The following SLC22A3 variants were observed in gnomAD, a reference collection of about 807,000 sequenced individuals.
The protein encoded by SLC22A3 is solute carrier family 22 member 3.
In SLC22A3, 51 loss-of-function variants were observed where a neutral mutation model predicts 59.1. The observed-to-expected ratio is 0.86, with a 90% CI of 0.69 to 1.09. The LOEUF (loss-of-function observed/expected upper bound fraction) is 1.09. SLC22A3 is among the 50% of genes least tolerant of loss of function. The probability of loss-of-function intolerance (pLI) is 0.00; values close to 1 mark genes in which losing one functional copy is unlikely to be tolerated. For synonymous variants in SLC22A3, 325 were observed against 292.0 expected, an observed-to-expected ratio of 1.11 and a Z score of -1.15; for missense variants, 711 against 726.3, an observed-to-expected ratio of 0.98 and a Z score of 0.24.
intron 5 of SLC22A3, among the ~76,000 whole-genome samples, chr6:160,432,961 T>C (rs1788207702): frequency 6.6e-6 from 1 of 152,196 alleles, no homozygotes; most frequent in Admixed American, 6.5e-5. Flanking sequence ...TCTGTACAAG[T>C]TTCTCCAGCA....
chr6:160,376,786 A>G (rs373664042), intron 1 of SLC22A3, among the ~76,000 whole-genome samples: 27 of 152,200 alleles, frequency 1.8e-4, no homozygotes, highest in African/African-American at 4.3e-4. Flanking sequence ...CTGTATATAT[A>G]TTTTTTGTTT....
intron 2 of SLC22A3, among the ~76,000 whole-genome samples, chr6:160,403,724 T>C (rs1227341701): frequency 6.6e-6 from 1 of 151,850 alleles, no homozygotes; most frequent in Non-Finnish European, 1.5e-5. Context: ...ACCAAGTGCG[T>C]AGTATCCCAA....
chr6:160,395,232 T>C (rs1258139073), intron 1 of SLC22A3, among the ~76,000 whole-genome samples: 1 of 152,246 alleles, frequency 6.6e-6, no homozygotes, highest in Admixed American at 6.5e-5. Context: ...ATCAGTATTA[T>C]ATTAAAGAAT....
At chr6:160,450,630 A>G (rs1788917917) in intron 10 of SLC22A3, among the ~76,000 whole-genome samples, 1 of 152,182 alleles carries the variant, frequency 6.6e-6, no homozygotes, top group South Asian at 2.1e-4. Context: ...ATAAATGTCC[A>G]TATTAAAATG....
At chr6:160,444,286 A>G (rs776795884) in intron 9 of SLC22A3, among the ~76,000 whole-genome samples, 33 of 152,234 alleles carry the variant, frequency 2.2e-4, no homozygotes, top group Middle Eastern at 3.4e-3. Context: ...CAGGAGGATC[A>G]AGGCTGCAGT....
At position 160,425,281 on chromosome 6, in the gene SLC22A3, T is replaced by C. The variant is rs572944439; in HGVS notation, c.976-11499T>C. ...ATCACCACATGTTTAGAAAAACTATTTTAATGTCACTGACATGAAGTTGTC... is the reference window on the plus strand; with the variant it reads ...ATCACCACATGTTTAGAAAAACTATCTTAATGTCACTGACATGAAGTTGTC... On this transcript the variant is annotated intron_variant, in intron 5 of 10. Transcript: ENST00000275300. 3.3e-5 allele frequency among the ~76,000 whole-genome samples: 5 copies of C among 152,348 alleles called. No homozygotes were observed. The South Asian group carries it at 1.0e-3, about 32-fold the overall frequency.
chr6:160,409,955 T>C (rs1787178895), intron 4 of SLC22A3, among the ~76,000 whole-genome samples: 1 of 152,214 alleles, frequency 6.6e-6, no homozygotes, highest in East Asian at 1.9e-4. Context: ...CTCTGAGGAA[T>C]AAGGAAATGT....
chr6:160,348,530 C>T lies in SLC22A3; in HGVS notation c.111C>T (p.Val37=). Residue 37 remains valine, a synonymous_variant, in exon 1 of 11, where the codon GTC becomes GTT. Transcript: ENST00000275300. ...GCGTCACCTTCGCCTTCCTCTTCGT[C>T]GGCGTGGTCTTCCTGGGCACGCAGC... ...LTGVTFAFLF[V]GVVFLGTQPD... 2 of 1,564,252 alleles carry T rather than the reference C, an allele frequency of 1.3e-6. No individual in the cohort carries two copies. Among genetic ancestry groups the T allele is most frequent in the South Asian group, 1.2e-5 (1 of 86,880 alleles).
At chr6:160,380,461 G>T (rs1206458434) in intron 1 of SLC22A3, among the ~76,000 whole-genome samples, 1 of 152,034 alleles carries the variant, frequency 6.6e-6, no homozygotes, top group Non-Finnish European at 1.5e-5. Flanking sequence ...AACCTTTTAT[G>T]ATGATGATAT....
chr6:160,392,198 C>T (rs1270581372), intron 1 of SLC22A3, among the ~76,000 whole-genome samples: 1 of 152,092 alleles, frequency 6.6e-6, no homozygotes, highest in African/African-American at 2.4e-5. Context: ...CCAGGCAGAA[C>T]CTTGTTGGCA....
intron 5 of SLC22A3, among the ~76,000 whole-genome samples, chr6:160,433,221 T>C (rs943993924): frequency 3.3e-5 from 5 of 152,184 alleles, no homozygotes; most frequent in Admixed American, 2.0e-4. Context: ...TTTATTTTCT[T>C]GTCAAAATCT....
At chr6:160,439,356 T>G (rs182678772) in intron 7 of SLC22A3, among the ~76,000 whole-genome samples, 1 of 152,302 alleles carries the variant, frequency 6.6e-6, no homozygotes, top group East Asian at 1.9e-4. Context: ...GAAATATTCA[T>G]TGTATATGAA....
At chr6:160,399,087 G>A (rs578009578) in intron 2 of SLC22A3, among the ~76,000 whole-genome samples, 1 of 152,182 alleles carries the variant, frequency 6.6e-6, no homozygotes, top group Non-Finnish European at 1.5e-5. Flanking sequence ...TTCAAAATGG[G>A]TAGAGCCTTG....
intron 1 of SLC22A3, among the ~76,000 whole-genome samples, chr6:160,381,654 T>C (rs916237938): frequency 2.6e-5 from 4 of 152,252 alleles, no homozygotes; most frequent in African/African-American, 9.6e-5. Context: ...TCATAAATGA[T>C]TTATTTTACA....
intron 10 of SLC22A3, among the ~76,000 whole-genome samples, chr6:160,449,101 G>A (rs893573413): frequency 6.6e-6 from 1 of 152,076 alleles, no homozygotes; most frequent in Non-Finnish European, 1.5e-5. Context: ...AAACCAATCA[G>A]GATCAGATTT....
chr6:160,379,271 T>C (rs1269116214), intron 1 of SLC22A3, among the ~76,000 whole-genome samples: 1 of 152,210 alleles, frequency 6.6e-6, no homozygotes, highest in Non-Finnish European at 1.5e-5. Flanking sequence ...TGCTCTCCCT[T>C]GATACCCTGT....
intron 1 of SLC22A3, among the ~76,000 whole-genome samples, chr6:160,358,532 T>G (rs988623036): frequency 6.6e-6 from 1 of 152,138 alleles, no homozygotes; most frequent in Non-Finnish European, 1.5e-5. Context: ...AAACTGGAGC[T>G]TAGTAATGAA....
At chr6:160,359,132 A>G (rs1399933528) in intron 1 of SLC22A3, among the ~76,000 whole-genome samples, 1 of 152,210 alleles carries the variant, frequency 6.6e-6, no homozygotes, top group African/African-American at 2.4e-5. Context: ...CAATGGTCCT[A>G]TAGGCAATGA....
At chr6:160,353,743 A>G (rs1250023073) in intron 1 of SLC22A3, among the ~76,000 whole-genome samples, 1 of 151,864 alleles carries the variant, frequency 6.6e-6, no homozygotes, top group African/African-American at 2.4e-5. Flanking sequence ...GAGTTCAGGA[A>G]TTTTCCTTTT....
Sources: gnomAD v4.1 joint callset for allele counts (sites outside exome capture counted in the v4.1 genomes callset) on GRCh38, gnomAD v4.1.1 for gene constraint, MANE v1.5 for transcripts, NCBI Gene and HGNC (gene_info 2026-07-23, HGNC 2026-07-21) for gene names.